SENP7: variants seen among roughly 807,000 people sequenced by gnomAD.
The protein encoded by SENP7 is SUMO specific peptidase 7.
A neutral mutation model predicts 141.2 loss-of-function variants in SENP7; 64 were observed. That is an observed-to-expected ratio of 0.45 (90% CI 0.37 to 0.56). SENP7 has a LOEUF of 0.56. SENP7 is among the 20% of genes least tolerant of loss of function. The pLI, the probability that SENP7 is intolerant of heterozygous loss-of-function variation, is 0.00. For synonymous variants in SENP7, 382 were observed against 426.4 expected, an observed-to-expected ratio of 0.90 and a Z score of 1.28; for missense variants, 1,025 against 1,212.2, an observed-to-expected ratio of 0.85 and a Z score of 2.29.
intron 5 of SENP7, among the ~76,000 whole-genome samples, chr3:101,415,794 ATTGTT>A (rs774869865): frequency 7.2e-5 from 11 of 152,126 alleles, no homozygotes; most frequent in Admixed American, 2.0e-4. Context: ...ATGGCACCTT[ATTGTT>A]TTGATAGCAA....
At chr3:101,390,268 ATCCATTTTTTT>A in intron 6 of SENP7, among the ~76,000 whole-genome samples, 2 of 150,502 alleles carry the variant, frequency 1.3e-5, no homozygotes, top group Non-Finnish European at 1.5e-5. Flanking sequence ...AACTGGCTGA[ATCCATTTTTTT>A]AAAATGACCC....
intron 11 of SENP7, chr3:101,359,235 A>C (rs1232013303): frequency 1.3e-5 from 2 of 152,122 alleles, no homozygotes; most frequent in Non-Finnish European, 2.9e-5. Context: ...TACCCTTGAG[A>C]AAAATTGTCC....
At chr3:101,355,713 T>C (rs199845333) in intron 11 of SENP7, among the ~76,000 whole-genome samples, 2 of 152,218 alleles carry the variant, frequency 1.3e-5, no homozygotes, top group Non-Finnish European at 2.9e-5. Flanking sequence ...TTTGGCTCCA[T>C]ATGAATTTTA....
chr3:101,340,364 C>A, intron 15 of SENP7, 153 bp from the exon 16 acceptor site: 1 of 951,802 alleles, frequency 1.1e-6, no homozygotes, highest in Non-Finnish European at 1.5e-6. Context: ...ATGATATTTT[C>A]CTTCCTTTAT....
intron 3 of SENP7, among the ~76,000 whole-genome samples, chr3:101,467,165 A>G (rs996003007): frequency 5.3e-5 from 8 of 152,344 alleles, no homozygotes; most frequent in African/African-American, 1.9e-4. Context: ...TTGAGTAGGT[A>G]AACAAAGTGG....
At chr3:101,368,743 A>T (rs73141627) in intron 7 of SENP7, among the ~76,000 whole-genome samples, 9,825 of 152,166 alleles carry the variant, frequency 0.065, 459 homozygotes, top group Non-Finnish European at 0.097. Context: ...ATAATAATAA[A>T]AAAGGGGGGG....
chr3:101,334,608 A>G (rs978330073), intron 17 of SENP7, among the ~76,000 whole-genome samples: 4 of 152,198 alleles, frequency 2.6e-5, no homozygotes, highest in African/African-American at 9.7e-5. Flanking sequence ...AAGATTAACC[A>G]CATAAAAAAA....
chr3:101,483,589 C>A (rs1266052206), intron 3 of SENP7, among the ~76,000 whole-genome samples: 1 of 152,178 alleles, frequency 6.6e-6, no homozygotes, highest in African/African-American at 2.4e-5. Flanking sequence ...ATGTAACAAA[C>A]CTGCATATGT....
chr3:101,493,913 G>A lies in SENP7; in HGVS notation c.146C>T (p.Ser49Phe). 1 of 1,610,492 alleles carries A rather than the reference G, an allele frequency of 6.2e-7. No individual in the cohort carries two copies. The highest frequency in any genetic ancestry group is 1.1e-5 in the South Asian group (1 of 90,716). ...PEDVHVQSPL[S>F]KFRSSERWTL... ...CCAGCGTTCTGAGCTTCTGAATTTGGACAGTGGTGATTGAACATGGACATC... is the reference window on the plus strand; with the variant it reads ...CCAGCGTTCTGAGCTTCTGAATTTGAACAGTGGTGATTGAACATGGACATC... The change falls in exon 3 of 24, where the codon TCC becomes TTC. Residue 49 changes from serine to phenylalanine, a missense_variant. By Grantham distance (155) the Ser-to-Phe change is radical. Around this residue, in one of 4 missense-constraint regions of SENP7, gnomAD observed 496 missense variants for 503.5 expected, o/e 0.99. Coordinates refer to ENST00000394095, the MANE Select transcript of SENP7 (RefSeq NM_020654.5).
chr3:101,340,587 C>T (rs1372806073), intron 15 of SENP7, among the ~76,000 whole-genome samples: 5 of 152,118 alleles, frequency 3.3e-5, no homozygotes, highest in South Asian at 2.1e-4. Context: ...TTCCTTTCTC[C>T]GCTTTCTAAG....
intron 4 of SENP7, among the ~76,000 whole-genome samples, chr3:101,447,821 C>G (rs1402693488): frequency 1.3e-5 from 2 of 151,936 alleles, no homozygotes; most frequent in African/African-American, 4.8e-5. Flanking sequence ...ACCCACACTT[C>G]CCAATTTCAA....
At chr3:101,430,134 T>G (rs2062108136) in intron 4 of SENP7, among the ~76,000 whole-genome samples, 1 of 152,204 alleles carries the variant, frequency 6.6e-6, no homozygotes, top group Non-Finnish European at 1.5e-5. Flanking sequence ...TCAGAGATAT[T>G]GGCCTAAAAT....
At chr3:101,500,866 A>G (rs2065350006) in intron 2 of SENP7, among the ~76,000 whole-genome samples, 1 of 152,220 alleles carries the variant, frequency 6.6e-6, no homozygotes, top group Admixed American at 6.5e-5. Flanking sequence ...TGGTCCAGAA[A>G]GTATACTAGT....
intron 4 of SENP7, among the ~76,000 whole-genome samples, chr3:101,439,591 T>G (rs1470091733): frequency 4.4e-4 from 7 of 15,780 alleles, no homozygotes; most frequent in Admixed American, 8.9e-4. Context: ...GTCCGGGAGG[T>G]GAGGGGCGCC....
chr3:101,464,695 CAG>C (rs1190722044), intron 3 of SENP7, among the ~76,000 whole-genome samples: 1 of 152,036 alleles, frequency 6.6e-6, no homozygotes, highest in Non-Finnish European at 1.5e-5. Flanking sequence ...GTAATAATAA[CAG>C]AAATAAAGTG....
chr3:101,357,962 C>T, intron 11 of SENP7: 1 of 654,984 alleles, frequency 1.5e-6, no homozygotes. Context: ...TTTTAACCAC[C>T]CCTCACCCCT....
intron 6 of SENP7, among the ~76,000 whole-genome samples, chr3:101,381,938 A>G (rs1353157281): frequency 6.6e-6 from 1 of 152,224 alleles, no homozygotes; most frequent in Non-Finnish European, 1.5e-5. Context: ...AAGAAAATCA[A>G]CTGACATGAA....
In SENP7 at chr3:101,423,481, T is replaced by C. The variant is rs1291352674; in HGVS notation, c.285-5691A>G. ...GAATATAATACGGCACAATCACTTA[T>C]GGCAGCTTGGCAGTTTCTTACAAAG... On this transcript the variant is annotated intron_variant, in intron 4 of 23. Coordinates refer to ENST00000394095, the MANE Select transcript of SENP7 (RefSeq NM_020654.5). Among the ~76,000 whole-genome samples the C allele has an allele frequency of 1.6e-4, 25 of 152,164 alleles. 1 individual carries two copies. Among genetic ancestry groups the C allele is most frequent in the Non-Finnish European group, 1.5e-5 (1 of 68,028 alleles).
At chr3:101,416,842 C>T (rs1468199136) in intron 5 of SENP7, among the ~76,000 whole-genome samples, 1 of 152,088 alleles carries the variant, frequency 6.6e-6, no homozygotes, top group African/African-American at 2.4e-5. Context: ...AGATTACAGA[C>T]CATATAACCA....
Sources: gnomAD v4.1 joint callset for allele counts (sites outside exome capture counted in the v4.1 genomes callset) on GRCh38, gnomAD v4.1.1 for gene constraint, gnomAD v4.1.1 regional missense constraint, MANE v1.5 for transcripts, NCBI Gene and HGNC (gene_info 2026-07-23, HGNC 2026-07-21) for gene names.